The following EIF4G3 variants were observed in gnomAD, a reference collection of about 807,000 sequenced individuals.
EIF4G3 encodes the protein eukaryotic translation initiation factor 4 gamma 3.
EIF4G3 carries 34 observed loss-of-function variants against 186.4 expected under a neutral mutation model. The ratio of observed to expected loss-of-function variants is 0.18; its 90% confidence interval spans 0.14 to 0.24. The LOEUF (loss-of-function observed/expected upper bound fraction) is 0.24. EIF4G3 is among the 10% of genes least tolerant of loss of function. EIF4G3 has a pLI of 1.00. For missense variants in EIF4G3, 1,536 were observed against 1,948.5 expected, an observed-to-expected ratio of 0.79 and a Z score of 3.99; for synonymous variants, 673 against 679.5, an observed-to-expected ratio of 0.99 and a Z score of 0.15.
intron 2 of EIF4G3, among the ~76,000 whole-genome samples, chr1:21,147,043 A>G (rs2102740911): frequency 6.6e-6 from 1 of 151,958 alleles, no homozygotes; most frequent in South Asian, 2.1e-4. Flanking sequence ...CGGGCAGATC[A>G]CGAGGTCAGG....
At chr1:20,868,316 G>C (rs79663931) in intron 20 of EIF4G3, among the ~76,000 whole-genome samples, 1 of 151,920 alleles carries the variant, frequency 6.6e-6, no homozygotes, top group Non-Finnish European at 1.5e-5. Context: ...TGAAAGCTGC[G>C]AAGTCCAAAA....
chr1:21,103,498 A>C (rs1403262650), intron 2 of EIF4G3, among the ~76,000 whole-genome samples: 1 of 152,176 alleles, frequency 6.6e-6, no homozygotes, highest in Admixed American at 6.5e-5. Context: ...AATGGTGACT[A>C]TGAGGATAAA....
At chr1:21,048,501 G>A (rs1388879130) in intron 4 of EIF4G3, among the ~76,000 whole-genome samples, 5 of 152,064 alleles carry the variant, frequency 3.3e-5, no homozygotes, top group African/African-American at 7.2e-5. Flanking sequence ...AGCCCAGATA[G>A]CTTCTCCAAA....
At chr1:20,886,903 GA>G (rs775916533) in intron 18 of EIF4G3, among the ~76,000 whole-genome samples, 3 of 151,386 alleles carry the variant, frequency 2.0e-5, no homozygotes, top group Non-Finnish European at 4.4e-5. Flanking sequence ...ATTACTCCCT[GA>G]AAAAAAAGGC....
At chr1:21,052,458 T>C (rs2094278943) in intron 3 of EIF4G3, among the ~76,000 whole-genome samples, 1 of 152,214 alleles carries the variant, frequency 6.6e-6, no homozygotes, top group Non-Finnish European at 1.5e-5. Flanking sequence ...TGTTATTAAA[T>C]ACATAAAATA....
chr1:21,144,566 A>G (rs2097401895), intron 2 of EIF4G3, among the ~76,000 whole-genome samples: 1 of 152,108 alleles, frequency 6.6e-6, no homozygotes, highest in African/African-American at 2.4e-5. Context: ...CCCTGCTTCA[A>G]TCATTTTTAT....
chr1:21,014,917 G>C (rs930899208), intron 4 of EIF4G3, among the ~76,000 whole-genome samples: 1 of 152,092 alleles, frequency 6.6e-6, no homozygotes, highest in Non-Finnish European at 1.5e-5. Context: ...TTATAGGCGT[G>C]AGCCACCATG....
chr1:20,991,201 C>T (rs946780387), intron 7 of EIF4G3, among the ~76,000 whole-genome samples: 12 of 152,090 alleles, frequency 7.9e-5, no homozygotes, highest in South Asian at 2.1e-4. Context: ...CACTAAGAAT[C>T]GGGATATGGA....
chr1:21,020,156 T>A (rs1193504073), intron 4 of EIF4G3, among the ~76,000 whole-genome samples: 4 of 152,148 alleles, frequency 2.6e-5, no homozygotes, highest in Non-Finnish European at 5.9e-5. Context: ...AACACTATGC[T>A]GAACTCAGGC....
chr1:21,050,767 A>T, intron 4 of EIF4G3, 99 bp downstream of exon 4: 1 of 630,858 alleles, frequency 1.6e-6, no homozygotes, highest in South Asian at 1.8e-5. Flanking sequence ...TTACTATACA[A>T]GTAATGTTTT....
At chr1:21,144,274 A>G (rs1438702824) in intron 2 of EIF4G3, among the ~76,000 whole-genome samples, 1 of 152,218 alleles carries the variant, frequency 6.6e-6, no homozygotes, top group Admixed American at 6.5e-5. Context: ...TTTTGGAGAC[A>G]GAGTCTCACT....
At chr1:21,011,201 C>CT (rs138131684) in intron 4 of EIF4G3, among the ~76,000 whole-genome samples, 9 of 125,526 alleles carry the variant, frequency 7.2e-5, no homozygotes, top group Admixed American at 4.1e-4. Flanking sequence ...ACAAATTAAA[C>CT]TTTTTTTTAA....
chr1:21,123,282 G>A (rs2102384438), intron 2 of EIF4G3, among the ~76,000 whole-genome samples: 1 of 152,098 alleles, frequency 6.6e-6, no homozygotes, highest in South Asian at 2.1e-4. Context: ...AAGTTCAGAG[G>A]CCAGATGCGG....
At chr1:20,812,734 T>G (rs1242304243) in intron 35 of EIF4G3, among the ~76,000 whole-genome samples, 1 of 152,214 alleles carries the variant, frequency 6.6e-6, no homozygotes, top group Non-Finnish European at 1.5e-5. Context: ...GACAAACTGT[T>G]GATATTTTTT....
At chr1:20,989,191 T>C (rs1570477159) in intron 7 of EIF4G3, among the ~76,000 whole-genome samples, 1 of 150,358 alleles carries the variant, frequency 6.7e-6, no homozygotes, top group Non-Finnish European at 1.5e-5. Flanking sequence ...TGGATTACTA[T>C]GAGGGATTCA....
chr1:21,102,559 A>G (rs2096547100), intron 2 of EIF4G3, among the ~76,000 whole-genome samples: 1 of 152,228 alleles, frequency 6.6e-6, no homozygotes, highest in Non-Finnish European at 1.5e-5. Flanking sequence ...CATTAATAAA[A>G]ATTTGATGGT....
intron 12 of EIF4G3, among the ~76,000 whole-genome samples, chr1:20,956,629 A>AAAC (rs1363098642): frequency 6.6e-6 from 1 of 151,712 alleles, no homozygotes; most frequent in South Asian, 2.1e-4. Flanking sequence ...AAAAAAAAAA[A>AAAC]AAAAAAAACA....
chr1:21,123,268 T>C (rs1027115975), intron 2 of EIF4G3, among the ~76,000 whole-genome samples: 3 of 151,852 alleles, frequency 2.0e-5, no homozygotes, highest in African/African-American at 2.4e-5. Flanking sequence ...GCCTTCAATA[T>C]CTAAAGTTCA....
At chr1:21,108,172 A>C (rs1184371484) in intron 2 of EIF4G3, among the ~76,000 whole-genome samples, 1 of 152,184 alleles carries the variant, frequency 6.6e-6, no homozygotes, top group Non-Finnish European at 1.5e-5. Context: ...GAAACAAACA[A>C]AAAATACAAT....
Sources: allele counts gnomAD v4.1 joint callset (sites outside exome capture counted in the v4.1 genomes callset), GRCh38; gene constraint gnomAD v4.1.1; transcripts MANE v1.5; gene names NCBI Gene and HGNC (gene_info 2026-07-23, HGNC 2026-07-21).